Variants in CAPRIN2 observed in about 807,000 individuals in gnomAD.
The protein encoded by CAPRIN2 is caprin-2.
In CAPRIN2, 66 loss-of-function variants were observed where a neutral mutation model predicts 130.4. The ratio of observed to expected loss-of-function variants is 0.51; its 90% CI spans 0.42 to 0.62. The LOEUF (loss-of-function observed/expected upper bound fraction) is 0.62, where lower values mean the gene tolerates loss of function less well. CAPRIN2 is among the 20% of genes least tolerant of loss of function. CAPRIN2 has a pLI of 0.00. For synonymous variants in CAPRIN2, 471 were observed against 444.1 expected (o/e 1.06, Z -0.76); for missense variants, 1,185 against 1,246.6 (o/e 0.95, Z 0.74).
At chr12:30,743,441 A>G (rs11051049) in intron 2 of CAPRIN2, among the ~76,000 whole-genome samples, 43,621 of 152,016 alleles carry the variant, frequency 0.29, 6,457 homozygotes, top group Non-Finnish European at 0.33. Flanking sequence ...GCAATTGTCG[A>G]TGCCATCCCT....
chr12:30,748,156 G>A (rs1210992705), intron 2 of CAPRIN2, among the ~76,000 whole-genome samples: 1 of 152,182 alleles, frequency 6.6e-6, no homozygotes, highest in African/African-American at 2.4e-5. Context: ...TGATAAAGCA[G>A]CAGCAGGGTT....
chr12:30,709,837 AC>A, exon 17 of CAPRIN2: 1 of 1,511,098 alleles, frequency 6.6e-7, no homozygotes, highest in South Asian at 1.3e-5. Flanking sequence ...GAGGGCAAAG[AC>A]TACTTTTCCT....
chr12:30,711,143 A>T (rs553346607), intron 16 of CAPRIN2, among the ~76,000 whole-genome samples: 11 of 152,204 alleles, frequency 7.2e-5, no homozygotes, highest in Non-Finnish European at 1.0e-4. Flanking sequence ...ACATTTTAAA[A>T]AGTGTTATAA....
intron 2 of CAPRIN2, among the ~76,000 whole-genome samples, chr12:30,743,272 T>A (rs1433998898): frequency 1.3e-5 from 2 of 152,132 alleles, no homozygotes; most frequent in Non-Finnish European, 2.9e-5. Context: ...CAAGCTCATG[T>A]CATCCCCAAT....
chr12:30,711,964 CA>C (rs1428772420), intron 15 of CAPRIN2, among the ~76,000 whole-genome samples: 3 of 152,144 alleles, frequency 2.0e-5, no homozygotes, highest in African/African-American at 7.2e-5. Context: ...TCCCTCATCT[CA>C]GTATAAAAGG....
intron 2 of CAPRIN2, among the ~76,000 whole-genome samples, chr12:30,747,206 C>T (rs190396599): frequency 6.6e-6 from 1 of 152,244 alleles, no homozygotes; most frequent in East Asian, 1.9e-4. Context: ...ACTGTTGAGA[C>T]CTATTGCTCA....
chr12:30,718,982 G>A (rs2058518456), intron 12 of CAPRIN2, 97 bp downstream of exon 14: 4 of 1,370,504 alleles, frequency 2.9e-6, no homozygotes, highest in South Asian at 1.8e-5. Context: ...TTTACAAAAG[G>A]CAAACTTTTC....
At chr12:30,716,537 A>G (rs1283794470) in exon 13 of CAPRIN2, 5 of 1,613,978 alleles carry the variant, frequency 3.1e-6, no homozygotes, top group South Asian at 1.1e-5. Flanking sequence ...AGTTTGTTCT[A>G]CATGTATAGA....
chr12:30,729,012 T>C (rs2061764484), exon 8 of CAPRIN2: 1 of 1,614,210 alleles, frequency 6.2e-7, no homozygotes, highest in Non-Finnish European at 8.5e-7. Flanking sequence ...TGTATCTTGC[T>C]TCCACTGGCT....
At chr12:30,747,618 G>A (rs935147129) in intron 2 of CAPRIN2, among the ~76,000 whole-genome samples, 37 of 151,756 alleles carry the variant, frequency 2.4e-4, no homozygotes, top group South Asian at 2.1e-4. Context: ...TGGAGGTTGC[G>A]GTGAGCCGAG....
At chr12:30,744,379 A>C (rs745884225) in intron 2 of CAPRIN2, among the ~76,000 whole-genome samples, 5 of 152,074 alleles carry the variant, frequency 3.3e-5, no homozygotes, top group African/African-American at 7.2e-5. Flanking sequence ...TGCCTTTGGG[A>C]AAAAGTAATT....
At chr12:30,722,397 T>C (rs1331810936) in intron 11 of CAPRIN2, among the ~76,000 whole-genome samples, 1 of 152,160 alleles carries the variant, frequency 6.6e-6, no homozygotes, top group South Asian at 2.1e-4. Flanking sequence ...ACATATAAAG[T>C]GGGATGGCTT....
intron 4 of CAPRIN2, among the ~76,000 whole-genome samples, chr12:30,734,212 A>C (rs2063682568): frequency 6.6e-6 from 1 of 152,230 alleles, no homozygotes; most frequent in Non-Finnish European, 1.5e-5. Context: ...GAATTAAAAA[A>C]TACATGGCTA....
chr12:30,751,909 ATTTTTTT>A (rs574883707), intron 1 of CAPRIN2, among the ~76,000 whole-genome samples: 1,685 of 87,888 alleles, frequency 0.019, 32 homozygotes, highest in African/African-American at 0.058. Context: ...CCACTATGGT[ATTTTTTT>A]TTTTTTTTTT....
intron 1 of CAPRIN2, among the ~76,000 whole-genome samples, chr12:30,752,871 A>C (rs1265496755): frequency 6.6e-6 from 1 of 152,232 alleles, no homozygotes; most frequent in East Asian, 1.9e-4. Context: ...GCTGACTACC[A>C]CGCTTTCACC....
chr12:30,733,747 T>G, intron 4 of CAPRIN2, 36 bp from the exon 6 acceptor site: 1 of 1,415,852 alleles, frequency 7.1e-7, no homozygotes, highest in Non-Finnish European at 1.0e-6. Context: ...CAAAGTGGCT[T>G]TAGAAGTACA....
chr12:30,729,313 G>A (rs767441129), exon 8 of CAPRIN2: 11 of 1,556,934 alleles, frequency 7.1e-6, no homozygotes, highest in African/African-American at 2.8e-5. Flanking sequence ...GTCATATAGC[G>A]TCTGTTAAGA....
intron 2 of CAPRIN2, among the ~76,000 whole-genome samples, chr12:30,747,804 T>C (rs1209489459): frequency 1.3e-5 from 2 of 152,166 alleles, no homozygotes; most frequent in Non-Finnish European, 2.9e-5. Flanking sequence ...ATTCTAGATG[T>C]CATTAAGAAC....
chr12:30,740,489 T>A (rs974129175), intron 3 of CAPRIN2, among the ~76,000 whole-genome samples: 2 of 152,074 alleles, frequency 1.3e-5, no homozygotes, highest in Non-Finnish European at 2.9e-5. Flanking sequence ...CTGATTAAAT[T>A]TGTCAGAGAT....
Sources: gnomAD v4.1 joint callset for allele counts (sites outside exome capture counted in the v4.1 genomes callset) on GRCh38, gnomAD v4.1.1 for gene constraint, MANE v1.5 for transcripts, NCBI Gene and HGNC (gene_info 2026-07-23, HGNC 2026-07-21) for gene names.